The following MACF1 variants were observed in gnomAD, a reference collection of about 807,000 sequenced individuals.
MACF1 encodes microtubule actin crosslinking factor 1.
MACF1 carries 193 observed loss-of-function variants against 854.8 expected under a neutral mutation model. The ratio of observed to expected loss-of-function variants is 0.23; its 90% CI spans 0.20 to 0.25. The LOEUF (loss-of-function observed/expected upper bound fraction) is 0.25. Among genes scored for constraint, MACF1 ranks in the 10% least tolerant of loss-of-function variants. The probability of loss-of-function intolerance (pLI) is 1.00; values close to 1 mark genes in which losing one functional copy is unlikely to be tolerated. For synonymous variants in MACF1, 3,185 were observed against 3,226.7 expected (o/e 0.99, Z 0.44); for missense variants, 7,722 against 8,929.1 (o/e 0.86, Z 5.45).
At chr1:39,102,671 A>C in intron 2 of MACF1, 1 of 675,050 alleles carries the variant, frequency 1.5e-6, no homozygotes. Context: ...AAAGGGCATT[A>C]ATTTCCTTGT....
Position 39,319,646 on chromosome 1 carries a change from T to C in MACF1, c.3946-18T>C, listed in dbSNP as rs768444243. 4 of 1,559,862 alleles carry C rather than the reference T, an allele frequency of 2.6e-6. No homozygotes were observed. The highest frequency in any genetic ancestry group is 2.2e-5 in the South Asian group (2 of 89,818). On this transcript the variant is annotated intron_variant, in intron 30 of 100. Coordinates refer to ENST00000564288, the MANE Select transcript of MACF1 (RefSeq NM_001394062.1). ...GGTGGTAATGGCAATGATAATGTTG[T>C]GATATTTTGCTTCCTAGGCCCTATT...
chr1:39,457,959 A>G (rs1644473960), intron 89 of MACF1: 1 of 159,024 alleles, frequency 6.3e-6, no homozygotes, highest in African/African-American at 2.4e-5. Context: ...GCTTAGAATC[A>G]TGGTGGAAGG....
At chr1:39,097,499 A>G (rs982383345) in intron 2 of MACF1, among the ~76,000 whole-genome samples, 1 of 152,046 alleles carries the variant, frequency 6.6e-6, no homozygotes, top group Non-Finnish European at 1.5e-5. Context: ...AGGTGGGTGG[A>G]TCACTTGAGC....
chr1:39,307,901 CTTTTTT>C (rs34930273), intron 23 of MACF1, among the ~76,000 whole-genome samples: 1 of 50,392 alleles, frequency 2.0e-5, no homozygotes, highest in African/African-American at 7.6e-5. Flanking sequence ...TTCTTTCTTT[CTTTTTT>C]TTTTTTTTTT....
Position 39,422,547 on chromosome 1 carries a change from T to C in MACF1, c.15978+12T>C. 6.2e-7 allele frequency: 1 copy of C among 1,601,588 alleles called. No individual in the cohort carries two copies. The highest frequency in any genetic ancestry group is 8.5e-7 in the Non-Finnish European group (1 of 1,171,682). ...CATTGAATAAAAAGGTGAGTGACAATGGGGTAGCAAGTGTACTGGAAACGG... is the reference window on the plus strand; with the variant it reads ...CATTGAATAAAAAGGTGAGTGACAACGGGGTAGCAAGTGTACTGGAAACGG... On this transcript the variant is annotated intron_variant, in intron 59 of 100. Transcript: ENST00000564288.
intron 2 of MACF1, among the ~76,000 whole-genome samples, chr1:39,241,311 C>A (rs1198466347): frequency 6.6e-6 from 1 of 152,068 alleles, no homozygotes; most frequent in Non-Finnish European, 1.5e-5. Flanking sequence ...GGGCTGCTTA[C>A]GTTTCCTTTT....
intron 2 of MACF1, among the ~76,000 whole-genome samples, chr1:39,125,447 G>A (rs920280637): frequency 5.9e-5 from 9 of 152,282 alleles, no homozygotes; most frequent in African/African-American, 2.2e-4. Flanking sequence ...ATACGTATTA[G>A]CACCTAGCAT....
At chr1:39,190,401 G>GTTTTTTTTTTTTT (rs71057198) in intron 2 of MACF1, among the ~76,000 whole-genome samples, 1 of 105,986 alleles carries the variant, frequency 9.4e-6, no homozygotes, top group Non-Finnish European at 1.7e-5. Context: ...GTTTGTTTTT[G>GTTTTTTTTTTTTT]TTTTTTTTTT....
intron 2 of MACF1, among the ~76,000 whole-genome samples, chr1:39,143,850 C>T (rs1162127425): frequency 6.6e-6 from 1 of 152,140 alleles, no homozygotes; most frequent in Non-Finnish European, 1.5e-5. Flanking sequence ...TCTTCACTCA[C>T]TGCAAGCTCC....
chr1:39,168,125 G>A (rs904778924), intron 2 of MACF1, among the ~76,000 whole-genome samples: 2 of 152,154 alleles, frequency 1.3e-5, no homozygotes, highest in African/African-American at 2.4e-5. Flanking sequence ...GAAGAAGCCC[G>A]TTTAGCTCTG....
chr1:39,426,780 G>T (rs905467990), intron 61 of MACF1, among the ~76,000 whole-genome samples: 8 of 151,766 alleles, frequency 5.3e-5, no homozygotes, highest in African/African-American at 1.2e-4. Flanking sequence ...TTTTTTTTTG[G>T]GGGGGGTGCT....
intron 2 of MACF1, among the ~76,000 whole-genome samples, chr1:39,168,439 T>C (rs1643903903): frequency 6.6e-6 from 1 of 152,152 alleles, no homozygotes; most frequent in Admixed American, 6.5e-5. Flanking sequence ...TGTAGTGAAG[T>C]GGGAAGAACA....
intron 33 of MACF1, among the ~76,000 whole-genome samples, chr1:39,323,903 G>A (rs766617034): frequency 1.2e-4 from 19 of 152,138 alleles, no homozygotes; most frequent in Non-Finnish European, 2.8e-4. Flanking sequence ...TGCTATATGT[G>A]AAGAGATTTT....
rs1644533259 is a variant in MACF1, at chr1:39,460,482, G to A, written c.21361-150G>A. On this transcript the variant is annotated intron_variant, in intron 91 of 100. Transcript: ENST00000564288. This position sits in a 1 kb window ranked among gnomAD's most constrained non-coding sequence, Gnocchi z 4.1. The stretch of plus-strand genomic sequence containing the variant: ...GCTTTAAGTGAAAGAGCCAGATTGT[G>A]CCTTCACAAAAGAAGCAAACACATA... The A allele has an allele frequency of 1.5e-6, 1 of 655,330 alleles. No homozygotes were observed. The highest frequency in any genetic ancestry group is 2.7e-6 in the Non-Finnish European group (1 of 375,694). The allele number at this position is 655,330 out of a possible 1,614,324, so 40.6% of individuals were successfully genotyped here.
chr1:39,111,256 C>A (rs1249613540), intron 2 of MACF1, among the ~76,000 whole-genome samples: 1 of 152,154 alleles, frequency 6.6e-6, no homozygotes, highest in Non-Finnish European at 1.5e-5. Context: ...GCAGTTGATA[C>A]CATTGTGTAG....
intron 22 of MACF1, among the ~76,000 whole-genome samples, chr1:39,300,959 T>C (rs887236009): frequency 4.6e-5 from 7 of 151,914 alleles, no homozygotes; most frequent in African/African-American, 1.7e-4. Flanking sequence ...GAAGTGGAGG[T>C]TGCAGTGAGC....
At chr1:39,122,908 T>C (rs1361578407) in intron 2 of MACF1, among the ~76,000 whole-genome samples, 1 of 152,146 alleles carries the variant, frequency 6.6e-6, no homozygotes, top group African/African-American at 2.4e-5. Flanking sequence ...GTGAACGCTG[T>C]TAGCTTCCTC....
Position 39,206,328 on chromosome 1 carries a change from A to T in MACF1, c.109+1197A>T, listed in dbSNP as rs1354557306. On this transcript the variant is annotated intron_variant, in intron 1 of 100. Coordinates refer to ENST00000564288, the MANE Select transcript of MACF1 (RefSeq NM_001394062.1). Reference sequence around the variant, plus strand: ...TGTATTTGAACTTAGAAAGAAAGAGATAGGCAGGCTTAAGTTGTTTGGTCC... The same window carrying T: ...TGTATTTGAACTTAGAAAGAAAGAGTTAGGCAGGCTTAAGTTGTTTGGTCC... 2.0e-5 allele frequency among the ~76,000 whole-genome samples: 3 copies of T among 152,218 alleles called. No individual in the cohort carries two copies. The East Asian group carries it at 5.8e-4, about 29-fold the overall frequency.
At chr1:39,420,311 C>T (rs1479292983) in intron 58 of MACF1, among the ~76,000 whole-genome samples, 2 of 152,188 alleles carry the variant, frequency 1.3e-5, no homozygotes, top group African/African-American at 4.8e-5. Context: ...TTCATTCCTT[C>T]ACCTTCACCA....
Sources: allele counts gnomAD v4.1 joint callset (sites outside exome capture counted in the v4.1 genomes callset), GRCh38; gene constraint gnomAD v4.1.1; non-coding constraint Gnocchi (gnomAD v3.1); transcripts MANE v1.5; gene names NCBI Gene and HGNC (gene_info 2026-07-23, HGNC 2026-07-21).